IGF2BP2: variants seen among roughly 807,000 people sequenced by gnomAD.
IGF2BP2 encodes insulin like growth factor 2 mRNA binding protein 2.
IGF2BP2 carries 17 observed loss-of-function variants against 75.8 expected under a neutral mutation model. That is an observed-to-expected ratio of 0.22 (90% CI 0.15 to 0.34). The LOEUF is 0.34. IGF2BP2 is among the 10% of genes least tolerant of loss of function. IGF2BP2 has a pLI of 1.00. For synonymous variants in IGF2BP2, 288 were observed against 295.6 expected (o/e 0.97, Z 0.26); for missense variants, 516 against 772.4 (o/e 0.67, Z 3.93).
At chr3:185,740,222 C>A (rs1319083055) in intron 2 of IGF2BP2, among the ~76,000 whole-genome samples, 1 of 152,134 alleles carries the variant, frequency 6.6e-6, no homozygotes, top group East Asian at 1.9e-4. Flanking sequence ...CACAATTGGA[C>A]TGGCATGAAA....
chr3:185,668,498 G>T (rs1205094804), intron 10 of IGF2BP2, among the ~76,000 whole-genome samples: 68 of 125,560 alleles, frequency 5.4e-4, no homozygotes, highest in African/African-American at 2.0e-3. Context: ...GAGAGAGAGA[G>T]AGAGAGAGAG....
chr3:185,746,347 A>T (rs1730248220), intron 2 of IGF2BP2, among the ~76,000 whole-genome samples: 1 of 152,148 alleles, frequency 6.6e-6, no homozygotes, highest in South Asian at 2.1e-4. Flanking sequence ...TGGACATAAA[A>T]GCAGCTGGTT....
At chr3:185,658,491 C>A (rs957595648) in intron 10 of IGF2BP2, 82 bp from the exon 11 acceptor site, 38 of 1,139,700 alleles carry the variant, frequency 3.3e-5, no homozygotes, top group Admixed American at 5.7e-5. Context: ...TCCCAACATG[C>A]GACACAGGCT....
intron 2 of IGF2BP2, chr3:185,713,487 A>C (rs369250382): frequency 1.9e-6 from 1 of 519,964 alleles, no homozygotes; most frequent in Admixed American, 1.9e-5. Context: ...TCAAGGTAAC[A>C]GGTAAGTAAG....
At chr3:185,688,701 A>C (rs1461556873) in intron 6 of IGF2BP2, among the ~76,000 whole-genome samples, 1 of 152,204 alleles carries the variant, frequency 6.6e-6, no homozygotes, top group Non-Finnish European at 1.5e-5. Context: ...AGAGAGGTTA[A>C]CATCTTTTCC....
intron 2 of IGF2BP2, among the ~76,000 whole-genome samples, chr3:185,749,243 A>G (rs1192450051): frequency 2.6e-5 from 4 of 152,206 alleles, no homozygotes; most frequent in Non-Finnish European, 5.9e-5. Flanking sequence ...TAACCTACAC[A>G]TATACATGTC....
chr3:185,702,890 T>C (rs1291503549), intron 2 of IGF2BP2, among the ~76,000 whole-genome samples: 2 of 152,212 alleles, frequency 1.3e-5, no homozygotes, highest in African/African-American at 2.4e-5. Context: ...TTCACCTTCA[T>C]TTTAACTGGA....
At chr3:185,777,569 A>C (rs927257642) in intron 2 of IGF2BP2, among the ~76,000 whole-genome samples, 3 of 152,232 alleles carry the variant, frequency 2.0e-5, no homozygotes, top group Admixed American at 2.0e-4. Flanking sequence ...AAACATTTAA[A>C]TAAATGAGCT....
Position 185,652,181 on chromosome 3 carries a change from G to T in IGF2BP2, c.1387-13C>A, listed in dbSNP as rs1441149213. 1 of 1,606,104 alleles carries T rather than the reference G, an allele frequency of 6.2e-7. No homozygotes were observed. The highest frequency in any genetic ancestry group is 1.1e-5 in the South Asian group (1 of 90,412). The stretch of plus-strand genomic sequence containing the variant: ...CCGCAGGGGCAATCTGTGGTTCACA[G>T]GAGAGGAAAACGCTGATGCTCGGCT... On this transcript the variant is annotated splice_polypyrimidine_tract_variant and intron_variant, in intron 12 of 15. Coordinates refer to ENST00000382199, the MANE Select transcript of IGF2BP2 (RefSeq NM_006548.6).
At chr3:185,661,285 T>G (rs780631920) in intron 10 of IGF2BP2, among the ~76,000 whole-genome samples, 2 of 152,156 alleles carry the variant, frequency 1.3e-5, no homozygotes, top group Non-Finnish European at 2.9e-5. Flanking sequence ...ACAAACAGAC[T>G]CAAATAATAT....
At chr3:185,812,501 C>CT in intron 2 of IGF2BP2, among the ~76,000 whole-genome samples, 1 of 152,302 alleles carries the variant, frequency 6.6e-6, no homozygotes, top group Non-Finnish European at 1.5e-5. Flanking sequence ...AAATAGAGGG[C>CT]TATTCCATGG....
intron 2 of IGF2BP2, among the ~76,000 whole-genome samples, chr3:185,730,428 CTT>C (rs71632076): frequency 1.3e-4 from 13 of 96,766 alleles, no homozygotes; most frequent in East Asian, 6.4e-4. Flanking sequence ...GCGCAGGTGT[CTT>C]TTTTTTTTTT....
chr3:185,648,063 G>A (rs921825084), intron 14 of IGF2BP2, among the ~76,000 whole-genome samples: 2 of 152,232 alleles, frequency 1.3e-5, no homozygotes, highest in Admixed American at 1.3e-4. Flanking sequence ...TCTGGAGACG[G>A]GGAATCCTTT....
chr3:185,788,087 A>G (rs147176995), intron 2 of IGF2BP2, among the ~76,000 whole-genome samples: 2 of 152,206 alleles, frequency 1.3e-5, no homozygotes, highest in African/African-American at 4.8e-5. Context: ...CTCTGTTCCT[A>G]CAACAGGGCT....
chr3:185,813,128 C>G (rs896059248), intron 2 of IGF2BP2, among the ~76,000 whole-genome samples: 2 of 152,138 alleles, frequency 1.3e-5, no homozygotes, highest in African/African-American at 4.8e-5. Flanking sequence ...TCTTAAAATG[C>G]CTTTTCGACT....
At position 185,783,960 on chromosome 3, in the gene IGF2BP2, C is replaced by A. The variant is rs1483001162; in HGVS notation, c.239+39193G>T. On this transcript the variant is annotated intron_variant, in intron 2 of 15. Transcript: ENST00000382199. ...CAAAATTAAATAAACAACAGCCTGG[C>A]GAGGTGGCTCACGTCAGTAATCCCA... 3.3e-5 allele frequency among the ~76,000 whole-genome samples: 5 copies of A among 152,258 alleles called. No homozygotes were observed. In the Middle Eastern group the frequency reaches 0.01, roughly 311 times the overall value.
In IGF2BP2 at chr3:185,643,508, A is replaced by C. The variant is rs1426750957; in HGVS notation, c.*2023T>G. Among the ~76,000 whole-genome samples the C allele has an allele frequency of 6.6e-6, 1 of 152,226 alleles. No individual in the cohort carries two copies. Among genetic ancestry groups the C allele is most frequent in the Non-Finnish European group, 1.5e-5 (1 of 68,036 alleles). ...GTGGACCCCAAGAATCTACATTTCT[A>C]ACAAGTTCCCAGATGATAGCTGATG... On this transcript the variant is annotated 3_prime_UTR_variant, in exon 16 of 16. Transcript: ENST00000382199.
intron 2 of IGF2BP2, among the ~76,000 whole-genome samples, chr3:185,781,654 C>T (rs1735214867): frequency 6.6e-6 from 1 of 152,058 alleles, no homozygotes; most frequent in Non-Finnish European, 1.5e-5. Flanking sequence ...CAGCAAGCAC[C>T]AAGTCTTATG....
chr3:185,679,455 A>T (rs1316774520), intron 7 of IGF2BP2, among the ~76,000 whole-genome samples: 2 of 152,170 alleles, frequency 1.3e-5, no homozygotes, highest in Non-Finnish European at 2.9e-5. Flanking sequence ...ATTTATAGTT[A>T]AAAAAAGTTT....
Sources: gnomAD v4.1 joint callset for allele counts (sites outside exome capture counted in the v4.1 genomes callset) on GRCh38, gnomAD v4.1.1 for gene constraint, MANE v1.5 for transcripts, NCBI Gene and HGNC (gene_info 2026-07-23, HGNC 2026-07-21) for gene names.